Variants in TTC29 observed in about 807,000 individuals in gnomAD.
The protein encoded by TTC29 is tetratricopeptide repeat domain 29.
A neutral mutation model predicts 58.1 loss-of-function variants in TTC29; 49 were observed. The observed-to-expected ratio is 0.84, with a 90% CI of 0.67 to 1.07. The LOEUF (loss-of-function observed/expected upper bound fraction) is 1.07, where lower values mean the gene tolerates loss of function less well. TTC29 is among the 50% of genes least tolerant of loss of function. The pLI is 0.00. For synonymous variants in TTC29, 209 were observed against 196.8 expected, an observed-to-expected ratio of 1.06 and a Z score of -0.52; for missense variants, 582 against 555.6, an observed-to-expected ratio of 1.05 and a Z score of -0.48.
At chr4:146,720,811 A>G (rs1251229572) in intron 11 of TTC29, among the ~76,000 whole-genome samples, 2 of 152,026 alleles carry the variant, frequency 1.3e-5, no homozygotes, top group Non-Finnish European at 2.9e-5. Flanking sequence ...CAAGTTTAAA[A>G]CTGCTTTTCT....
chr4:146,810,673 C>T (rs1275314923), intron 10 of TTC29, among the ~76,000 whole-genome samples: 1 of 150,424 alleles, frequency 6.6e-6, no homozygotes, highest in Non-Finnish European at 1.5e-5. Flanking sequence ...CTCACGCAAC[C>T]TCTGTCTCCC....
At chr4:146,777,445 G>T (rs1175411009) in intron 11 of TTC29, among the ~76,000 whole-genome samples, 1 of 151,602 alleles carries the variant, frequency 6.6e-6, no homozygotes, top group Admixed American at 6.6e-5. Flanking sequence ...GTGTGTTCTG[G>T]ACACATTTAT....
intron 11 of TTC29, among the ~76,000 whole-genome samples, chr4:146,729,512 A>G (rs766403924): frequency 3.6e-4 from 55 of 152,082 alleles, no homozygotes; most frequent in Non-Finnish European, 2.9e-5. Context: ...CATTTTCTTC[A>G]TCTTTGATTG....
rs967391415 is a variant in TTC29, at chr4:146,816,608, G to A, written c.1101+3517C>T. ...AGAAGGAAGGATGCAGGACAGGAGG[G>A]AGCAAGATGGGTAAGGGAGGCAGGG... On this transcript the variant is annotated intron_variant, in intron 10 of 12. Transcript: ENST00000325106. Among the ~76,000 whole-genome samples the A allele has an allele frequency of 2.0e-5, 3 of 152,126 alleles. No homozygotes were observed. The East Asian group carries it at 5.8e-4, about 29-fold the overall frequency.
At chr4:146,779,274 G>A (rs2150085006) in intron 11 of TTC29, among the ~76,000 whole-genome samples, 1 of 152,156 alleles carries the variant, frequency 6.6e-6, no homozygotes, top group South Asian at 2.1e-4. Context: ...ACATATTGAA[G>A]AGCAACTTCC....
chr4:146,810,101 A>G (rs1317441888), intron 10 of TTC29, among the ~76,000 whole-genome samples: 1 of 152,212 alleles, frequency 6.6e-6, no homozygotes, highest in East Asian at 1.9e-4. Context: ...GGATGAGTTC[A>G]TGTCCTTTTT....
At chr4:146,786,809 T>G (rs1749053500) in intron 11 of TTC29, among the ~76,000 whole-genome samples, 1 of 152,032 alleles carries the variant, frequency 6.6e-6, no homozygotes, top group Non-Finnish European at 1.5e-5. Flanking sequence ...AAATCTAACC[T>G]TTATAAAAGT....
intron 4 of TTC29, among the ~76,000 whole-genome samples, chr4:146,913,923 A>T: frequency 6.6e-6 from 1 of 152,196 alleles, no homozygotes; most frequent in Non-Finnish European, 1.5e-5. Flanking sequence ...AAAAAAGATC[A>T]TTCTTTACAG....
chr4:146,916,473 T>C (rs1316877951), intron 4 of TTC29, among the ~76,000 whole-genome samples: 1 of 151,752 alleles, frequency 6.6e-6, no homozygotes, highest in African/African-American at 2.4e-5. Flanking sequence ...TTAGTCATAG[T>C]ATTGATTAGC....
intron 6 of TTC29, among the ~76,000 whole-genome samples, chr4:146,899,096 AG>A (rs1472368986): frequency 5.3e-5 from 8 of 152,202 alleles, no homozygotes; most frequent in Non-Finnish European, 1.2e-4. Context: ...TCACCAATAA[AG>A]CTGCAACTGC....
At chr4:146,863,713 C>G (rs1023191919) in intron 8 of TTC29, among the ~76,000 whole-genome samples, 2 of 152,178 alleles carry the variant, frequency 1.3e-5, no homozygotes, top group South Asian at 4.2e-4. Flanking sequence ...AACTGCATGC[C>G]CAGGAGAGCT....
intron 11 of TTC29, among the ~76,000 whole-genome samples, chr4:146,763,628 T>C (rs151228351): frequency 2.1e-3 from 320 of 152,258 alleles, no homozygotes; most frequent in Non-Finnish European, 4.2e-3. Context: ...AATGTTCAGA[T>C]AGATTTAGTT....
chr4:146,805,282 A>C (rs978379729), intron 10 of TTC29, among the ~76,000 whole-genome samples: 1 of 152,170 alleles, frequency 6.6e-6, no homozygotes, highest in African/African-American at 2.4e-5. Context: ...ATGAGGAAAA[A>C]ACCACACAAA....
chr4:146,816,794 T>C (rs1751439789), intron 10 of TTC29, among the ~76,000 whole-genome samples: 1 of 152,108 alleles, frequency 6.6e-6, no homozygotes, highest in Non-Finnish European at 1.5e-5. Flanking sequence ...TAAAGAAATA[T>C]TAGTTTCACT....
At chr4:146,870,095 G>A (rs1244202656) in intron 7 of TTC29, among the ~76,000 whole-genome samples, 4 of 152,134 alleles carry the variant, frequency 2.6e-5, no homozygotes, top group Admixed American at 2.0e-4. Flanking sequence ...GGAGAGCCAA[G>A]TGGGGGTCCA....
chr4:146,761,529 C>G (rs1746900167), intron 11 of TTC29, among the ~76,000 whole-genome samples: 1 of 151,866 alleles, frequency 6.6e-6, no homozygotes, highest in Non-Finnish European at 1.5e-5. Context: ...ACACTGCATG[C>G]ATAATCAATG....
chr4:146,937,746 T>A, intron 3 of TTC29, 69 bp from the exon 4 acceptor site: 1 of 850,104 alleles, frequency 1.2e-6, no homozygotes, highest in Non-Finnish European at 1.8e-6. Flanking sequence ...ACACATAAAA[T>A]GCCACCAGGA....
At chr4:146,712,030 C>A (rs887908529) in intron 11 of TTC29, among the ~76,000 whole-genome samples, 9 of 151,730 alleles carry the variant, frequency 5.9e-5, no homozygotes, top group East Asian at 1.9e-4. Context: ...TAAATAAATA[C>A]ATAAATAAAT....
intron 11 of TTC29, among the ~76,000 whole-genome samples, chr4:146,780,302 GGTGTGTGTGTGTGTGTGTGT>G (rs57951745): frequency 2.9e-5 from 4 of 138,456 alleles, no homozygotes; most frequent in South Asian, 2.5e-4. Context: ...CCTAACTTGG[GGTGTGTGTGTGTGTGTGTGT>G]GTGTGTGTGT....
Sources: allele counts gnomAD v4.1 joint callset (sites outside exome capture counted in the v4.1 genomes callset), GRCh38; gene constraint gnomAD v4.1.1; transcripts MANE v1.5; gene names NCBI Gene and HGNC (gene_info 2026-07-23, HGNC 2026-07-21).